RNF122: variants seen among roughly 807,000 people sequenced by gnomAD.
RNF122 encodes ring finger protein 122.
In RNF122, 17 loss-of-function variants were observed where a neutral mutation model predicts 24.2. The observed-to-expected ratio is 0.70, with a 90% CI of 0.48 to 1.06. The LOEUF (loss-of-function observed/expected upper bound fraction) is 1.06. Ranked by LOEUF, RNF122 falls within the 50% of genes least tolerant of loss-of-function variation. The pLI, the probability that RNF122 is intolerant of heterozygous loss-of-function variation, is 0.00. For missense variants in RNF122, 168 were observed against 198.1 expected (o/e 0.85, Z 0.91); for synonymous variants, 65 against 71.8 (o/e 0.91, Z 0.48).
chr8:33,566,471 C>T (rs1194661782), intron 1 of RNF122, among the ~76,000 whole-genome samples: 1 of 152,204 alleles, frequency 6.6e-6, no homozygotes, highest in African/African-American at 2.4e-5. Flanking sequence ...CGCCCCCGGC[C>T]CGCCGCCAGT....
chr8:33,561,837 G>A (rs1810544395), intron 1 of RNF122, among the ~76,000 whole-genome samples: 1 of 152,078 alleles, frequency 6.6e-6, no homozygotes, highest in African/African-American at 2.4e-5. Context: ...ATAAGCCACT[G>A]TGCCCCGCCC....
At chr8:33,555,629 T>C (rs1330487218) in intron 2 of RNF122, among the ~76,000 whole-genome samples, 3 of 152,246 alleles carry the variant, frequency 2.0e-5, no homozygotes, top group African/African-American at 7.2e-5. Context: ...GCGGCTCCTC[T>C]ACTTCAAGGA....
At chr8:33,558,821 G>C (rs1359059169) in intron 1 of RNF122, 50 bp from the exon 2 acceptor site, 5 of 1,442,892 alleles carry the variant, frequency 3.5e-6, no homozygotes, top group Non-Finnish European at 4.7e-6. Flanking sequence ...TTTACTGCTG[G>C]GCTGATAGCA....
At position 33,567,096 on chromosome 8, in the gene RNF122, C is replaced by T. The variant is rs944501506; in HGVS notation, c.-373G>A. The T allele has an allele frequency of 2.5e-5, 8 of 314,956 alleles. No individual in the cohort carries two copies. Among genetic ancestry groups the T allele is most frequent in the Middle Eastern group, 1.1e-3 (1 of 948 alleles). The allele number at this position is 314,956 out of a possible 1,614,324, so 19.5% of individuals were successfully genotyped here. ...GAGGCTCGGATCGGGTTCAGCGGCGCAGAGGTGAGCTGGCTGGGGTTCCGA... is the reference window on the plus strand; with the variant it reads ...GAGGCTCGGATCGGGTTCAGCGGCGTAGAGGTGAGCTGGCTGGGGTTCCGA... On this transcript the variant is annotated 5_prime_UTR_variant, in exon 1 of 6. Transcript: ENST00000256257.
chr8:33,558,960 A>T (rs1221019300), intron 1 of RNF122, among the ~76,000 whole-genome samples, 189 bp from the exon 2 acceptor site: 2 of 152,188 alleles, frequency 1.3e-5, no homozygotes, highest in African/African-American at 4.8e-5. Context: ...GATCTACAAA[A>T]TTGAATACTA....
chr8:33,559,740 T>C (rs9297209), intron 1 of RNF122, among the ~76,000 whole-genome samples: 96,361 of 151,708 alleles, frequency 0.64, 31,689 homozygotes, highest in African/African-American at 0.81. Context: ...CTCCTCAAAG[T>C]CTCAATGTGT....
chr8:33,558,872 CCT>C, intron 1 of RNF122, 101 bp from the exon 2 acceptor site: 1 of 885,272 alleles, frequency 1.1e-6, no homozygotes, highest in Non-Finnish European at 1.6e-6. Context: ...GCTCTGGGCA[CCT>C]AAGCCTCAGA....
chr8:33,554,814 C>T (rs1414806709), intron 2 of RNF122, among the ~76,000 whole-genome samples: 1 of 152,198 alleles, frequency 6.6e-6, no homozygotes, highest in African/African-American at 2.4e-5. Context: ...ATTTGTACTT[C>T]CCCGGCCCCT....
chr8:33,551,514 C>T (rs538950198), intron 2 of RNF122, 125 bp from the exon 3 acceptor site: 2 of 892,318 alleles, frequency 2.2e-6, no homozygotes, highest in Non-Finnish European at 3.7e-6. Context: ...ATACACACCA[C>T]AGGGCATACT....
intron 1 of RNF122, among the ~76,000 whole-genome samples, chr8:33,559,528 A>G (rs9297208): frequency 0.64 from 96,833 of 151,946 alleles, 32,002 homozygotes; most frequent in African/African-American, 0.82. Flanking sequence ...AAATGAGCGC[A>G]TAAGAAAATA....
chr8:33,564,840 C>T (rs887348259), intron 1 of RNF122, among the ~76,000 whole-genome samples: 4 of 151,976 alleles, frequency 2.6e-5, no homozygotes, highest in South Asian at 2.1e-4. Context: ...CCATTGCACT[C>T]CAGCCTGGAC....
At chr8:33,550,333 C>A (rs1208148061) in intron 4 of RNF122, among the ~76,000 whole-genome samples, 1 of 152,200 alleles carries the variant, frequency 6.6e-6, no homozygotes, top group Non-Finnish European at 1.5e-5. Context: ...GAAACATCAG[C>A]ACTTGCAGAG....
In RNF122 at chr8:33,566,687, C is replaced by G; in HGVS notation, c.25+12G>C. On this transcript the variant is annotated intron_variant, in intron 1 of 5. Coordinates refer to ENST00000256257, the MANE Select transcript of RNF122 (RefSeq NM_024787.3). Reference sequence around the variant, plus strand: ...GCCCCACGTAGGCTCGGCCCTCGCCCCGGGGACTCACCGTTACACCACTGG... The same window carrying G: ...GCCCCACGTAGGCTCGGCCCTCGCCGCGGGGACTCACCGTTACACCACTGG... The G allele has an allele frequency of 1.2e-6, 2 of 1,600,312 alleles. No homozygotes were observed. Among genetic ancestry groups the G allele is most frequent in the Non-Finnish European group, 1.7e-6 (2 of 1,174,684 alleles).
chr8:33,551,947 G>A lies in RNF122; in HGVS notation c.183-558C>T, dbSNP rs147906685. On this transcript the variant is annotated intron_variant, in intron 2 of 5. Coordinates refer to ENST00000256257, the MANE Select transcript of RNF122 (RefSeq NM_024787.3). Reference sequence around the variant, plus strand: ...CATTTTAAGCTGGTGGCCTGCAAACGGGCTGACTCTCAATGGCCAAAACAT... The same window carrying A: ...CATTTTAAGCTGGTGGCCTGCAAACAGGCTGACTCTCAATGGCCAAAACAT... Among the ~76,000 whole-genome samples, 712 of 152,180 alleles carry A rather than the reference G, an allele frequency of 4.7e-3. 3 individuals carry two copies. The highest frequency in any genetic ancestry group is 5.5e-3 in the Non-Finnish European group (371 of 68,004).
chr8:33,562,303 A>C (rs1810551057), intron 1 of RNF122, among the ~76,000 whole-genome samples: 1 of 152,132 alleles, frequency 6.6e-6, no homozygotes, highest in East Asian at 1.9e-4. Context: ...TGGGAGGCTG[A>C]GGCAGGAGGA....
intron 4 of RNF122, among the ~76,000 whole-genome samples, chr8:33,550,061 G>A (rs1469271284): frequency 2.6e-5 from 4 of 151,932 alleles, no homozygotes; most frequent in Non-Finnish European, 5.9e-5. Context: ...AGCCTCCCAA[G>A]TAACTGGGAT....
rs1196752286 is a variant in RNF122 at position 33,566,980 on chromosome 8, C to G, written c.-257G>C. The stretch of plus-strand genomic sequence containing the variant: ...CCGCACGGAGCGCACGCGCCAAGGG[C>G]CCCGGGCTGGGGGAATGTGGGGCGC... On this transcript the variant is annotated 5_prime_UTR_variant, in exon 1 of 6. Coordinates refer to ENST00000256257, the MANE Select transcript of RNF122 (RefSeq NM_024787.3). The G allele has an allele frequency of 3.9e-6, 2 of 507,430 alleles. No homozygotes were observed. Among genetic ancestry groups the G allele is most frequent in the Non-Finnish European group, 7.1e-6 (2 of 282,684 alleles). 31.4% of individuals were successfully genotyped at this position (507,430 alleles called of 1,614,324 possible). A position where few individuals can be genotyped will look rare whatever the true frequency, so the allele number is the denominator to read the frequency against.
chr8:33,553,797 C>T (rs1158372438), intron 2 of RNF122, among the ~76,000 whole-genome samples: 1 of 152,172 alleles, frequency 6.6e-6, no homozygotes, highest in East Asian at 1.9e-4. Flanking sequence ...TGCCAGCCTC[C>T]TCCATTGTTC....
intron 3 of RNF122, 111 bp downstream of exon 3, chr8:33,551,233 G>A (rs926956328): frequency 6.7e-7 from 1 of 1,492,748 alleles, no homozygotes; most frequent in East Asian, 2.3e-5. Flanking sequence ...GGGAGACCCA[G>A]AGGTGAGGCC....
Sources: gnomAD v4.1 joint callset for allele counts (sites outside exome capture counted in the v4.1 genomes callset) on GRCh38, gnomAD v4.1.1 for gene constraint, MANE v1.5 for transcripts, NCBI Gene and HGNC (gene_info 2026-07-23, HGNC 2026-07-21) for gene names.